The following ARHGAP15 variants were observed in gnomAD, a reference collection of about 807,000 sequenced individuals.
ARHGAP15 encodes Rho GTPase activating protein 15.
Under a neutral mutation model 63.7 loss-of-function variants are expected in ARHGAP15, and 51 were observed. The ratio of observed to expected loss-of-function variants is 0.80; its 90% confidence interval spans 0.64 to 1.01. The LOEUF (loss-of-function observed/expected upper bound fraction) is 1.01, where lower values mean the gene tolerates loss of function less well. Among genes scored for constraint, ARHGAP15 ranks in the 50% least tolerant of loss-of-function variants. The pLI, the probability that ARHGAP15 is intolerant of heterozygous loss-of-function variation, is 0.00. For synonymous variants in ARHGAP15, 191 were observed against 193.8 expected (o/e 0.99, Z 0.12); for missense variants, 560 against 564.6 (o/e 0.99, Z 0.08).
chr2:143,257,008 C>A (rs1398892485), intron 6 of ARHGAP15, among the ~76,000 whole-genome samples: 1 of 152,062 alleles, frequency 6.6e-6, no homozygotes, highest in Admixed American at 6.6e-5. Flanking sequence ...TGTCTTTTTG[C>A]ACGTTTAATT....
At chr2:143,156,475 T>A (rs1425439966) in intron 2 of ARHGAP15, among the ~76,000 whole-genome samples, 2 of 151,846 alleles carry the variant, frequency 1.3e-5, no homozygotes, top group East Asian at 3.9e-4. Flanking sequence ...ACAGGCTGAG[T>A]TCCAGTCACC....
At chr2:143,730,398 A>G (rs1453228830) in intron 13 of ARHGAP15, among the ~76,000 whole-genome samples, 1 of 136,518 alleles carries the variant, frequency 7.3e-6, no homozygotes, top group Non-Finnish European at 1.7e-5. Context: ...AAAGTATGCA[A>G]TATTTCTTTG....
chr2:143,506,310 C>A (rs1693318499), intron 9 of ARHGAP15, among the ~76,000 whole-genome samples: 1 of 152,124 alleles, frequency 6.6e-6, no homozygotes, highest in Non-Finnish European at 1.5e-5. Flanking sequence ...TTTTTAATTA[C>A]CTGAATAAAT....
chr2:143,305,771 T>A (rs1683139955), intron 6 of ARHGAP15, among the ~76,000 whole-genome samples: 1 of 152,076 alleles, frequency 6.6e-6, no homozygotes, highest in Non-Finnish European at 1.5e-5. Flanking sequence ...ATCTCTAAAG[T>A]GAAGCAAGTA....
chr2:143,364,900 G>A (rs891538222), intron 6 of ARHGAP15, among the ~76,000 whole-genome samples: 1 of 152,188 alleles, frequency 6.6e-6, no homozygotes, highest in Non-Finnish European at 1.5e-5. Flanking sequence ...CAGCTACGCA[G>A]AAGGCTGAGG....
At chr2:143,608,314 G>A (rs1001858768) in intron 11 of ARHGAP15, 1 of 152,144 alleles carries the variant, frequency 6.6e-6, no homozygotes, top group Non-Finnish European at 1.5e-5. Flanking sequence ...CTCGTGCTCT[G>A]TAAGCAAGGT....
chr2:143,668,717 G>A (rs1305820084), intron 12 of ARHGAP15, among the ~76,000 whole-genome samples: 4 of 152,084 alleles, frequency 2.6e-5, no homozygotes, highest in African/African-American at 7.2e-5. Context: ...ATATACTTGT[G>A]GTTCAAATCA....
At chr2:143,458,386 A>C (rs1018410012) in intron 8 of ARHGAP15, among the ~76,000 whole-genome samples, 11 of 152,176 alleles carry the variant, frequency 7.2e-5, no homozygotes, top group African/African-American at 2.4e-4. Flanking sequence ...TTGAAATCTA[A>C]GTAGGACCAG....
chr2:143,211,245 T>C (rs1465771694), intron 3 of ARHGAP15, among the ~76,000 whole-genome samples: 1 of 147,128 alleles, frequency 6.8e-6, no homozygotes, highest in Non-Finnish European at 1.5e-5. Context: ...GAGTGCAACC[T>C]AAAAACAAAG....
At chr2:143,306,127 C>A (rs1683158060) in intron 6 of ARHGAP15, among the ~76,000 whole-genome samples, 3 of 152,036 alleles carry the variant, frequency 2.0e-5, no homozygotes, top group South Asian at 4.1e-4. Context: ...TATTACTGGG[C>A]AAATTGTGAA....
chr2:143,642,767 G>A (rs910460883), intron 12 of ARHGAP15, among the ~76,000 whole-genome samples: 1 of 152,110 alleles, frequency 6.6e-6, no homozygotes, highest in African/African-American at 2.4e-5. Flanking sequence ...CATGAAGGAG[G>A]CATTAAGAGT....
chr2:143,154,464 C>T (rs994760744), intron 1 of ARHGAP15, among the ~76,000 whole-genome samples: 1 of 151,866 alleles, frequency 6.6e-6, no homozygotes, highest in African/African-American at 2.4e-5. Flanking sequence ...GGATTATATT[C>T]GCTCCCATAA....
chr2:143,132,612 T>G (rs778432883), intron 1 of ARHGAP15, among the ~76,000 whole-genome samples: 1 of 152,218 alleles, frequency 6.6e-6, no homozygotes, highest in African/African-American at 2.4e-5. Context: ...TGCGTGACCA[T>G]GCCTAGCTCA....
At chr2:143,138,338 A>T (rs1164105111) in intron 1 of ARHGAP15, among the ~76,000 whole-genome samples, 2 of 152,114 alleles carry the variant, frequency 1.3e-5, no homozygotes, top group Non-Finnish European at 2.9e-5. Flanking sequence ...AGTTGTACAT[A>T]GATCTGGGTA....
chr2:143,446,850 T>G (rs1056088780), intron 8 of ARHGAP15, among the ~76,000 whole-genome samples: 1 of 146,360 alleles, frequency 6.8e-6, no homozygotes, highest in Non-Finnish European at 1.5e-5. Flanking sequence ...CATTGTTCAG[T>G]TCCCACCTAT....
intron 8 of ARHGAP15, among the ~76,000 whole-genome samples, chr2:143,481,550 A>G (rs892328066): frequency 1.3e-5 from 2 of 152,114 alleles, no homozygotes; most frequent in Admixed American, 6.6e-5. Context: ...TATTATCCAA[A>G]CCGTTGAATT....
At chr2:143,442,630 T>C (rs952318128) in intron 8 of ARHGAP15, among the ~76,000 whole-genome samples, 6 of 152,260 alleles carry the variant, frequency 3.9e-5, no homozygotes, top group African/African-American at 1.2e-4. Flanking sequence ...AGTGAGTCCT[T>C]AGCAAGACAG....
chr2:143,533,936 G>T (rs1279063063), intron 10 of ARHGAP15, among the ~76,000 whole-genome samples: 1 of 152,162 alleles, frequency 6.6e-6, no homozygotes, highest in East Asian at 1.9e-4. Context: ...ATAAGCCTTA[G>T]GTTGTTACTG....
intron 4 of ARHGAP15, among the ~76,000 whole-genome samples, chr2:143,219,715 G>A (rs1277500955): frequency 1.3e-5 from 2 of 152,184 alleles, no homozygotes; most frequent in Non-Finnish European, 2.9e-5. Context: ...ACTTTCCACA[G>A]TTTTATCAGC....
Sources: allele counts gnomAD v4.1 joint callset (sites outside exome capture counted in the v4.1 genomes callset), GRCh38; gene constraint gnomAD v4.1.1; transcripts MANE v1.5; gene names NCBI Gene and HGNC (gene_info 2026-07-23, HGNC 2026-07-21).